SHISA9: variants seen among roughly 807,000 people sequenced by gnomAD.
SHISA9 encodes the protein shisa family member 9.
A neutral mutation model predicts 38.0 loss-of-function variants in SHISA9; 13 were observed. That is an observed-to-expected ratio of 0.34 (90% CI 0.22 to 0.54). SHISA9 has a LOEUF of 0.54. Among genes scored for constraint, SHISA9 ranks in the 20% least tolerant of loss-of-function variants. The pLI, the probability that SHISA9 is intolerant of heterozygous loss-of-function variation, is 0.91. For synonymous variants in SHISA9, 275 were observed against 242.0 expected, an observed-to-expected ratio of 1.14 and a Z score of -1.27; for missense variants, 538 against 575.8, an observed-to-expected ratio of 0.93 and a Z score of 0.67.
chr16:13,143,202 G>T (rs1029143799), intron 2 of SHISA9, among the ~76,000 whole-genome samples: 1 of 151,836 alleles, frequency 6.6e-6, no homozygotes, highest in African/African-American at 2.4e-5. Flanking sequence ...TACAGACAGG[G>T]TTTCACCATG....
chr16:12,937,957 T>C (rs1004517603), intron 2 of SHISA9, among the ~76,000 whole-genome samples: 1 of 152,216 alleles, frequency 6.6e-6, no homozygotes, highest in African/African-American at 2.4e-5. Context: ...TGTGATTTTA[T>C]AAGGTGAGGC....
chr16:13,383,710 G>A, the SHISA9 span, among the ~76,000 whole-genome samples: 125 of 152,196 alleles, frequency 8.2e-4, no homozygotes, highest in African/African-American at 2.7e-3. Flanking sequence ...GAGTGCAGTG[G>A]CATGATCTCA....
intron 2 of SHISA9, among the ~76,000 whole-genome samples, chr16:13,074,495 T>C (rs1312851844): frequency 2.0e-5 from 3 of 152,128 alleles, no homozygotes; most frequent in Non-Finnish European, 4.4e-5. Context: ...ATTGAGAGCA[T>C]TTAGCCTTGA....
chr16:13,161,033 AAAT>A (rs1422817475), intron 2 of SHISA9, among the ~76,000 whole-genome samples: 2 of 152,196 alleles, frequency 1.3e-5, no homozygotes, highest in African/African-American at 4.8e-5. Flanking sequence ...AAAGCTTTAT[AAAT>A]AATTTGCAGG....
At chr16:13,367,720 A>G in the SHISA9 span, among the ~76,000 whole-genome samples, 277 of 131,860 alleles carry the variant, frequency 2.1e-3, 1 homozygote, top group Middle Eastern at 8.4e-3. Flanking sequence ...GCGCACACAC[A>G]CACACACACA....
chr16:13,293,699 T>A, the SHISA9 span, among the ~76,000 whole-genome samples: 1 of 152,232 alleles, frequency 6.6e-6, no homozygotes, highest in African/African-American at 2.4e-5. Flanking sequence ...ATATTCCACC[T>A]GGACACCTCC....
At chr16:13,371,950 G>A in the SHISA9 span, among the ~76,000 whole-genome samples, 2 of 152,134 alleles carry the variant, frequency 1.3e-5, no homozygotes, top group Admixed American at 6.5e-5. Context: ...GGCAACACCC[G>A]TGCCACCCAT....
At chr16:13,179,801 C>A (rs192133650) in intron 2 of SHISA9, among the ~76,000 whole-genome samples, 2 of 152,178 alleles carry the variant, frequency 1.3e-5, no homozygotes, top group Non-Finnish European at 2.9e-5. Context: ...AGATCAGAAT[C>A]CAAAGAGGAA....
chr16:13,231,209 T>G (rs1034290413), intron 4 of SHISA9, among the ~76,000 whole-genome samples: 3 of 152,114 alleles, frequency 2.0e-5, no homozygotes, highest in African/African-American at 7.2e-5. Context: ...CTGGCTTAAG[T>G]GGCTAAGGGA....
the SHISA9 span, among the ~76,000 whole-genome samples, chr16:13,497,249 ATAAT>A: frequency 6.6e-6 from 1 of 152,220 alleles, no homozygotes; most frequent in African/African-American, 2.4e-5. Context: ...TGTCTAACAA[ATAAT>A]TGTATATATT....
At chr16:13,261,145 G>A in the SHISA9 span, among the ~76,000 whole-genome samples, 19 of 152,184 alleles carry the variant, frequency 1.2e-4, no homozygotes, top group South Asian at 4.0e-3. Context: ...GATTTGGGCG[G>A]GGACACAAAC....
chr16:13,261,143 C>T, the SHISA9 span, among the ~76,000 whole-genome samples: 28 of 152,172 alleles, frequency 1.8e-4, no homozygotes, highest in Admixed American at 1.0e-3. Flanking sequence ...GAGATTTGGG[C>T]GGGGACACAA....
chr16:12,929,862 A>C (rs903626966), intron 2 of SHISA9, among the ~76,000 whole-genome samples: 1 of 152,126 alleles, frequency 6.6e-6, no homozygotes, highest in Admixed American at 6.6e-5. Context: ...GGGGTTTTAC[A>C]TACGCTCTTC....
At chr16:13,369,761 T>C in the SHISA9 span, among the ~76,000 whole-genome samples, 8 of 152,126 alleles carry the variant, frequency 5.3e-5, no homozygotes, top group African/African-American at 1.7e-4. Context: ...AGGGTGAGTT[T>C]GAGAAGAATG....
chr16:13,181,264 ATT>A (rs1316603890), intron 2 of SHISA9, among the ~76,000 whole-genome samples: 9,401 of 112,302 alleles, frequency 0.084, 529 homozygotes, highest in African/African-American at 0.11. Context: ...CTAAAATAAA[ATT>A]TTATATATAT....
intron 1 of SHISA9, 96 bp from the exon 2 acceptor site, chr16:12,916,592 C>G: frequency 7.2e-7 from 1 of 1,391,814 alleles, no homozygotes; most frequent in African/African-American, 1.5e-5. Flanking sequence ...TGGAGTAATC[C>G]GCCTTGCCAT....
the SHISA9 span, among the ~76,000 whole-genome samples, chr16:13,352,068 T>C: frequency 6.6e-6 from 1 of 152,156 alleles, no homozygotes; most frequent in Non-Finnish European, 1.5e-5. Context: ...AGAGAGGATG[T>C]GATAGCTGAA....
At chr16:13,081,401 C>T (rs931208444) in intron 2 of SHISA9, among the ~76,000 whole-genome samples, 1 of 152,188 alleles carries the variant, frequency 6.6e-6, no homozygotes, top group South Asian at 2.1e-4. Context: ...GCGAGGCTGA[C>T]AAGCCAGTCC....
the SHISA9 span, among the ~76,000 whole-genome samples, chr16:13,367,712 G>GCGCACACACACACACACA: frequency 3.9e-4 from 41 of 104,688 alleles, no homozygotes; most frequent in South Asian, 2.4e-3. Context: ...GCGCGCGCGC[G>GCGCACACACACACACACA]CACACACACA....
Sources: allele counts gnomAD v4.1 joint callset (sites outside exome capture counted in the v4.1 genomes callset), GRCh38; gene constraint gnomAD v4.1.1; transcripts MANE v1.5; gene names NCBI Gene and HGNC (gene_info 2026-07-23, HGNC 2026-07-21).